REPS2: variants seen among roughly 807,000 people sequenced by gnomAD.
The protein encoded by REPS2 is RALBP1 associated Eps domain containing 2, also known as ralBP1-associated Eps domain-containing protein 2.
Under a neutral mutation model 53.6 loss-of-function variants are expected in REPS2, and 23 were observed. The observed-to-expected ratio is 0.43, with a 90% CI of 0.31 to 0.61. The LOEUF (loss-of-function observed/expected upper bound fraction) is 0.61, where lower values mean the gene tolerates loss of function less well. Among genes scored for constraint, REPS2 ranks in the 20% least tolerant of loss-of-function variants. REPS2 has a pLI of 0.11. For missense variants in REPS2, 446 were observed against 534.9 expected, an observed-to-expected ratio of 0.83 and a Z score of 1.64; for synonymous variants, 238 against 218.6, an observed-to-expected ratio of 1.09 and a Z score of -0.78.
rs1223078807 is a variant in REPS2, at chrX:17,074,124, G to A, written c.1344G>A (p.Lys448=). The change falls in exon 12 of 18, where the codon AAG becomes AAA. Residue 448 remains lysine, a synonymous_variant. Coordinates refer to ENST00000357277, the MANE Select transcript of REPS2 (RefSeq NM_004726.3). ...ATATCTTTGTTTCAGCAACTCCCAAGGATTCCAACAGTCTCAAAGCAAGAC... is the reference window on the plus strand; with the variant it reads ...ATATCTTTGTTTCAGCAACTCCCAAAGATTCCAACAGTCTCAAAGCAAGAC... ...KDVSEDPATP[K]DSNSLKARPR... is the part of the protein sequence containing the mutation. 1 of 1,210,049 alleles carries A rather than the reference G, an allele frequency of 8.3e-7. No individual in the cohort carries two copies. The highest frequency in any genetic ancestry group is 1.1e-6 in the Non-Finnish European group (1 of 894,576).
At chrX:16,966,218 T>C (rs1191368349) in intron 1 of REPS2, among the ~76,000 whole-genome samples, 1 of 112,138 alleles carries the variant, frequency 8.9e-6, no homozygotes, top group Non-Finnish European at 1.9e-5. Context: ...TCAAAATGAG[T>C]ATTGATTTAA....
chrX:17,160,299 G>A, the REPS2 span, among the ~76,000 whole-genome samples: 1 of 112,433 alleles, frequency 8.9e-6, no homozygotes. Context: ...TTAGTCTATT[G>A]GGATTGCCAA....
At chrX:17,008,730 A>C (rs2061391406) in intron 2 of REPS2, among the ~76,000 whole-genome samples, 1 of 111,781 alleles carries the variant, frequency 8.9e-6, no homozygotes, top group South Asian at 3.7e-4. Context: ...TTGATGACAC[A>C]AATCTTGAAG....
chrX:17,001,045 G>A (rs1257268402), intron 1 of REPS2, among the ~76,000 whole-genome samples: 1 of 111,549 alleles, frequency 9.0e-6, no homozygotes, highest in Admixed American at 9.5e-5. Flanking sequence ...GAATTGGGAA[G>A]GTTTATTTGT....
At chrX:17,141,852 A>G (rs1205947405) in intron 17 of REPS2, among the ~76,000 whole-genome samples, 1 of 112,588 alleles carries the variant, frequency 8.9e-6, no homozygotes, top group Non-Finnish European at 1.9e-5. Context: ...CTATAGATTT[A>G]TTACAAAACC....
Position 16,946,982 on chromosome X carries a change from C to G in REPS2, c.121C>G (p.Leu41Val). Residue 41 changes from leucine to valine, a missense_variant, in exon 1 of 18, where the codon CTC (leucine) becomes GTC (valine). Coordinates refer to ENST00000357277, the MANE Select transcript of REPS2 (RefSeq NM_004726.3). ...GGGCGAGCAGCAGTGCTACTCCGAG[C>G]TCTTCGCGCGCTGTGCCGGCGCCGC... ...SEGEQQCYSE[L>V]FARCAGAAGG... 1 of 925,734 alleles carries G rather than the reference C, an allele frequency of 1.1e-6. No individual in the cohort carries two copies. The highest frequency in any genetic ancestry group is 1.3e-6 in the Non-Finnish European group (1 of 749,633). The allele number at this position is 925,734 out of a possible 1,213,427, so 76.3% of individuals were successfully genotyped here.
intron 13 of REPS2, among the ~76,000 whole-genome samples, chrX:17,103,406 A>G (rs1393115293): frequency 1.8e-5 from 2 of 111,688 alleles, no homozygotes; most frequent in Non-Finnish European, 3.8e-5. Flanking sequence ...ATTGTTTGAA[A>G]CGAAATAACA....
intron 1 of REPS2, among the ~76,000 whole-genome samples, chrX:16,993,533 G>A (rs745324365): frequency 1.8e-5 from 2 of 111,319 alleles, no homozygotes; most frequent in Admixed American, 9.6e-5. Context: ...CTGGCCTCCT[G>A]GAGGAAGAGA....
intron 5 of REPS2, among the ~76,000 whole-genome samples, chrX:17,031,550 G>A (rs772993974): frequency 3.4e-4 from 38 of 112,308 alleles, no homozygotes; most frequent in African/African-American, 1.2e-3. Flanking sequence ...CCCTCATGGA[G>A]CTACTGGAGA....
chrX:17,092,019 G>T (rs1032007207), intron 13 of REPS2, among the ~76,000 whole-genome samples: 2 of 111,194 alleles, frequency 1.8e-5, no homozygotes, highest in African/African-American at 6.6e-5. Context: ...TTTGGTATTC[G>T]AATGCTTTTA....
the REPS2 span, among the ~76,000 whole-genome samples, chrX:17,181,873 C>T: frequency 4.5e-5 from 5 of 111,767 alleles, no homozygotes; most frequent in East Asian, 1.1e-3. Flanking sequence ...CAGCACAAGT[C>T]GTGCTTGAAC....
At chrX:17,083,854 C>T (rs998076535) in intron 13 of REPS2, among the ~76,000 whole-genome samples, 5 of 110,761 alleles carry the variant, frequency 4.5e-5, no homozygotes, top group Non-Finnish European at 9.4e-5. Flanking sequence ...ATTTGGCAGT[C>T]TGGGCAGTTT....
chrX:16,983,829 A>G (rs2061054364), intron 1 of REPS2, among the ~76,000 whole-genome samples: 2 of 112,602 alleles, frequency 1.8e-5, no homozygotes, highest in African/African-American at 6.4e-5. Flanking sequence ...TGATGAAGAC[A>G]TTGAGGCACT....
intron 7 of REPS2, among the ~76,000 whole-genome samples, chrX:17,053,898 C>T (rs893214456): frequency 4.5e-5 from 5 of 111,602 alleles, no homozygotes; most frequent in Non-Finnish European, 9.4e-5. Context: ...TGTAAATGGT[C>T]TAAAGGAAAG....
At chrX:16,987,927 T>C (rs2061111698) in intron 1 of REPS2, among the ~76,000 whole-genome samples, 1 of 110,869 alleles carries the variant, frequency 9.0e-6, no homozygotes, top group African/African-American at 3.3e-5. Flanking sequence ...AGCGTTGTGC[T>C]AGAAATTCCA....
At chrX:17,184,030 CTT>C in the REPS2 span, among the ~76,000 whole-genome samples, 1 of 102,206 alleles carries the variant, frequency 9.8e-6, no homozygotes, top group African/African-American at 3.5e-5. Context: ...CTCTTTGTTT[CTT>C]TTTTTTTTTT....
At chrX:16,972,408 C>T (rs1019589034) in intron 1 of REPS2, among the ~76,000 whole-genome samples, 3 of 111,975 alleles carry the variant, frequency 2.7e-5, no homozygotes, top group African/African-American at 9.7e-5. Context: ...AAAAGAGCTC[C>T]TTTAATAAGC....
rs192332031 is a variant in REPS2 at position 16,992,888 on chromosome X, G to A, written c.274-13333G>A. Reference sequence around the variant, plus strand: ...ACTTAGGGATGTTAACTAGTCCTCTGTCTGAAGTGATCAGACTATTTATTC... The same window carrying A: ...ACTTAGGGATGTTAACTAGTCCTCTATCTGAAGTGATCAGACTATTTATTC... On this transcript the variant is annotated intron_variant, in intron 1 of 17. Coordinates refer to ENST00000357277, the MANE Select transcript of REPS2 (RefSeq NM_004726.3). Among the ~76,000 whole-genome samples the A allele has an allele frequency of 4.6e-3, 516 of 112,192 alleles. 3 individuals carry two copies. Among genetic ancestry groups the A allele is most frequent in the Middle Eastern group, 0.014 (3 of 216 alleles).
chrX:17,120,034 G>A (rs2063121887), intron 14 of REPS2, among the ~76,000 whole-genome samples: 2 of 110,193 alleles, frequency 1.8e-5, no homozygotes, highest in African/African-American at 6.6e-5. Context: ...ATGCCACCAC[G>A]TCCGGCTAAT....
Sources: gnomAD v4.1 joint callset for allele counts (sites outside exome capture counted in the v4.1 genomes callset) on GRCh38, gnomAD v4.1.1 for gene constraint, MANE v1.5 for transcripts, NCBI Gene and HGNC (gene_info 2026-07-23, HGNC 2026-07-21) for gene names.